TGFBI: variants seen among roughly 807,000 people sequenced by gnomAD.
TGFBI encodes transforming growth factor-beta-induced protein ig-h3.
In TGFBI, 50 loss-of-function variants were observed where a neutral mutation model predicts 73.7. The ratio of observed to expected loss-of-function variants is 0.68; its 90% CI spans 0.54 to 0.86. The LOEUF is 0.86. Among genes scored for constraint, TGFBI ranks in the 40% least tolerant of loss-of-function variants. TGFBI has a pLI of 0.00. For missense variants in TGFBI, 839 were observed against 877.0 expected (o/e 0.96, Z 0.55); for synonymous variants, 362 against 360.5 (o/e 1.00, Z -0.05).
intron 10 of TGFBI, 162 bp downstream of exon 10, chr5:136,055,023 C>A: frequency 1.2e-6 from 1 of 853,096 alleles, no homozygotes; most frequent in Non-Finnish European, 1.8e-6. Flanking sequence ...AAATGAGATC[C>A]TGCAGAAGGA....
chr5:136,050,636 A>G (rs186347398), intron 7 of TGFBI, among the ~76,000 whole-genome samples: 165 of 152,254 alleles, frequency 1.1e-3, no homozygotes, highest in African/African-American at 3.7e-3. Context: ...ACCCCACCAC[A>G]CTTTTCCTCT....
chr5:136,045,978 TC>T (rs963214781), intron 3 of TGFBI: 4 of 176,614 alleles, frequency 2.3e-5, no homozygotes, highest in African/African-American at 7.1e-5. Flanking sequence ...GGAACCAGTT[TC>T]AATAAACAGG....
At chr5:136,053,712 C>T (rs931644814) in intron 8 of TGFBI, among the ~76,000 whole-genome samples, 9 of 152,228 alleles carry the variant, frequency 5.9e-5, no homozygotes, top group African/African-American at 2.2e-4. Context: ...GGGACAGAGG[C>T]TGATCTCTGC....
chr5:136,051,642 C>A (rs1751538350), intron 7 of TGFBI, among the ~76,000 whole-genome samples: 1 of 152,184 alleles, frequency 6.6e-6, no homozygotes, highest in Non-Finnish European at 1.5e-5. Flanking sequence ...CCTGCTGTTA[C>A]CGGCAGGTTG....
At position 136,054,731 on chromosome 5, in the gene TGFBI, T is replaced by C. The variant is rs545095042; in HGVS notation, c.1280T>C (p.Ile427Thr). 66 of 1,613,974 alleles carry C rather than the reference T, an allele frequency of 4.1e-5. No homozygotes were observed. The South Asian group carries it at 6.4e-4, about 16-fold the overall frequency. ...NSVFKDGTPP[I>T]DAHTRNLLRN... Reference sequence around the variant, plus strand: ...TTTCTTGTAGATGGAACCCCTCCAATTGATGCCCATACAAGGAATTTGCTT... The same window carrying C: ...TTTCTTGTAGATGGAACCCCTCCAACTGATGCCCATACAAGGAATTTGCTT... Residue 427 changes from isoleucine (I) to threonine (T), a missense_variant, in exon 10 of 17, where the codon ATT becomes ACT. Coordinates refer to ENST00000442011, the MANE Select transcript of TGFBI (RefSeq NM_000358.3).
intron 1 of TGFBI, among the ~76,000 whole-genome samples, chr5:136,031,752 A>G (rs1038670971): frequency 5.9e-5 from 9 of 152,222 alleles, no homozygotes; most frequent in Non-Finnish European, 4.4e-5. Flanking sequence ...CTGAACATCA[A>G]TGCTGTTATT....
intron 1 of TGFBI, among the ~76,000 whole-genome samples, chr5:136,031,626 T>C (rs1751122351): frequency 1.3e-5 from 2 of 152,214 alleles, no homozygotes; most frequent in South Asian, 4.1e-4. Flanking sequence ...TCTGTGTTGC[T>C]ATAGGGAAGG....
rs191096524 is a variant in TGFBI at position 136,059,967 on chromosome 5, C to G, written c.1803+753C>G. Among the ~76,000 whole-genome samples the G allele has an allele frequency of 1.2e-3, 183 of 152,346 alleles. 1 individual carries two copies. The highest frequency in any genetic ancestry group is 3.5e-3 in the Admixed American group (54 of 15,304). On this transcript the variant is annotated intron_variant, in intron 13 of 16. Coordinates refer to ENST00000442011, the MANE Select transcript of TGFBI (RefSeq NM_000358.3). ...CTGGTTTCAGATGCTGGGGTCCTGT[C>G]TGTCACAGGCTTCTGTGCCTCCTAC... is the stretch of plus-strand genomic sequence containing the variant.
At chr5:136,036,613 G>A (rs961594444) in intron 2 of TGFBI, among the ~76,000 whole-genome samples, 2 of 152,104 alleles carry the variant, frequency 1.3e-5, no homozygotes, top group Admixed American at 6.5e-5. Flanking sequence ...ACCACCATAC[G>A]GTCAGAATTC....
intron 5 of TGFBI, 106 bp from the exon 6 acceptor site, chr5:136,047,168 A>C: frequency 7.1e-6 from 11 of 1,546,554 alleles, no homozygotes; most frequent in Non-Finnish European, 8.8e-6. Flanking sequence ...AGCTTGTGGA[A>C]CCCACATTTT....
rs1751744090 is a variant in TGFBI, at chr5:136,061,349, A to G, written c.1907-151A>G. 1.8e-5 allele frequency: 12 copies of G among 663,932 alleles called. 1 individual carries two copies. In the South Asian group the frequency reaches 2.1e-4, roughly 12 times the overall value. 41.1% of individuals were successfully genotyped at this position (663,932 alleles called of 1,614,324 possible). A position where few individuals can be genotyped will look rare whatever the true frequency, so the allele number is the denominator to read the frequency against. On this transcript the variant is annotated intron_variant, in intron 14 of 16. Transcript: ENST00000442011. ...CTTGGTGCTCTCTCCCCATGGGCCA[A>G]GTTCTACCATGAGTTATGAAACATT...
At chr5:136,053,508 T>A (rs1751574297) in intron 8 of TGFBI, among the ~76,000 whole-genome samples, 1 of 152,250 alleles carries the variant, frequency 6.6e-6, no homozygotes, top group Admixed American at 6.5e-5. Context: ...CTTTGGCTTG[T>A]GTCTCATTAG....
intron 12 of TGFBI, 70 bp downstream of exon 12, chr5:136,056,865 C>A: frequency 6.6e-7 from 1 of 1,511,274 alleles, no homozygotes; most frequent in Non-Finnish European, 8.9e-7. Context: ...CAGCAGCAAA[C>A]AGTTGGCACA....
chr5:136,030,398 C>T (rs1751097290), intron 1 of TGFBI, among the ~76,000 whole-genome samples: 1 of 152,140 alleles, frequency 6.6e-6, no homozygotes, highest in South Asian at 2.1e-4. Flanking sequence ...CTTGTTTCCT[C>T]TACTTGTGGC....
At chr5:136,041,438 A>T (rs1751337790) in intron 2 of TGFBI, among the ~76,000 whole-genome samples, 1 of 152,238 alleles carries the variant, frequency 6.6e-6, no homozygotes, top group African/African-American at 2.4e-5. Flanking sequence ...AGTGCTGACA[A>T]GGGCTAGCCT....
chr5:136,053,975 G>C lies in TGFBI; in HGVS notation c.1159G>C (p.Asp387His), dbSNP rs771637478. 6.2e-7 allele frequency: 1 copy of C among 1,614,042 alleles called. No individual in the cohort carries two copies. The highest frequency in any genetic ancestry group is 8.5e-7 in the Non-Finnish European group (1 of 1,179,898). ...KTLFELAAES[D>H]VSTAIDLFRQ... Reference sequence around the variant, plus strand: ...ACTATTTGAATTGGCTGCAGAGTCTGATGTGTCCACAGCCATTGACCTTTT... The same window carrying C: ...ACTATTTGAATTGGCTGCAGAGTCTCATGTGTCCACAGCCATTGACCTTTT... Residue 387 changes from aspartate (D) to histidine (H), a missense_variant, in exon 9 of 17, where the codon GAT (aspartate) becomes CAT (histidine). Asp to His is a moderately conservative substitution (Grantham distance 81). Transcript: ENST00000442011.
intron 4 of TGFBI, 117 bp downstream of exon 4, chr5:136,046,612 T>C (rs768625946): frequency 1.9e-4 from 252 of 1,351,560 alleles, no homozygotes; most frequent in Non-Finnish European, 2.5e-4. Context: ...GGAAGCTTTC[T>C]CCTTAACCCC....
Position 136,053,113 on chromosome 5 carries a change from G to A in TGFBI, c.1120G>A (p.Asp374Asn), listed in dbSNP as rs764514063. ...CTACATTGATGAGCTACTCATCCCAGACTCAGGTAGGCCAGGCCTCCGGGG... is the reference window on the plus strand; with the variant it reads ...CTACATTGATGAGCTACTCATCCCAAACTCAGGTAGGCCAGGCCTCCGGGG... ...IHYIDELLIP[D>N]SAKTLFELAA... The change falls in exon 8 of 17, where the codon GAC (aspartate) becomes AAC (asparagine). Residue 374 changes from aspartate (D) to asparagine (N), a missense_variant. Transcript: ENST00000442011. The A allele has an allele frequency of 6.2e-7, 1 of 1,613,890 alleles. No individual in the cohort carries two copies. Among genetic ancestry groups the A allele is most frequent in the Non-Finnish European group, 8.5e-7 (1 of 1,179,864 alleles).
Position 136,062,934 on chromosome 5 carries a change from G to A in TGFBI, c.2011+247G>A, listed in dbSNP as rs558082808. Among the ~76,000 whole-genome samples, 19 of 152,322 alleles carry A rather than the reference G, an allele frequency of 1.2e-4. No homozygotes were observed. The East Asian group carries it at 3.5e-3, about 28-fold the overall frequency. On this transcript the variant is annotated intron_variant, in intron 16 of 16. Transcript: ENST00000442011. ...TTAAGGTGAGTTTTCAGCTTAGGAA[G>A]TCTGGGAATATTGCAAAGGGCTTGG...
Sources: gnomAD v4.1 joint callset for allele counts (sites outside exome capture counted in the v4.1 genomes callset) on GRCh38, gnomAD v4.1.1 for gene constraint, MANE v1.5 for transcripts, NCBI Gene and HGNC (gene_info 2026-07-23, HGNC 2026-07-21) for gene names.